The following MTUS1 variants were observed in gnomAD, a reference collection of about 807,000 sequenced individuals.
MTUS1 encodes the protein microtubule associated scaffold protein 1.
Under a neutral mutation model 120.8 loss-of-function variants are expected in MTUS1, and 109 were observed. The observed-to-expected ratio is 0.90, with a 90% CI of 0.77 to 1.06. The LOEUF is 1.06. Among genes scored for constraint, MTUS1 ranks in the 50% least tolerant of loss-of-function variants. MTUS1 has a pLI of 0.00. For missense variants in MTUS1, 2,210 were observed against 1,486.3 expected (o/e 1.49, Z -8.01); for synonymous variants, 737 against 550.5 (o/e 1.34, Z -4.74).
chr8:17,765,308 G>A (rs2049390623), intron 1 of MTUS1, among the ~76,000 whole-genome samples: 1 of 152,090 alleles, frequency 6.6e-6, no homozygotes, highest in South Asian at 2.1e-4. Flanking sequence ...CCCAGGAATT[G>A]GGGAACCTTG....
chr8:17,763,707 G>T (rs1302733319), intron 1 of MTUS1, among the ~76,000 whole-genome samples: 3 of 152,172 alleles, frequency 2.0e-5, no homozygotes, highest in African/African-American at 7.2e-5. Flanking sequence ...CAGGCAAAGG[G>T]AAACACAAGT....
At chr8:17,764,662 T>C (rs999146076) in intron 1 of MTUS1, among the ~76,000 whole-genome samples, 4 of 152,258 alleles carry the variant, frequency 2.6e-5, no homozygotes, top group Non-Finnish European at 5.9e-5. Context: ...CTGCATTTAT[T>C]CAAGTCTGCT....
intron 4 of MTUS1, chr8:17,721,628 G>A: frequency 2.1e-6 from 3 of 1,428,116 alleles, no homozygotes; most frequent in Non-Finnish European, 9.3e-7. Context: ...TACAAAAACA[G>A]AAGTCAAGAG....
rs955243987 is a variant in MTUS1, at chr8:17,681,273, T to C, written c.2838+3055A>G. 5.3e-5 allele frequency among the ~76,000 whole-genome samples: 8 copies of C among 152,266 alleles called. No homozygotes were observed. The Middle Eastern group carries it at 0.01, about 194-fold the overall frequency. ...TTCAGTTGTTTGTGTACTGAATCTA[T>C]GTAAATTAAATGCAAGTGGTGATGT... is the stretch of plus-strand genomic sequence containing the variant. On this transcript the variant is annotated intron_variant, in intron 7 of 14. Coordinates refer to ENST00000693296, the MANE Select transcript of MTUS1 (RefSeq NM_001363059.2).
intron 3 of MTUS1, among the ~76,000 whole-genome samples, chr8:17,731,275 T>C (rs1301704901): frequency 6.6e-6 from 1 of 152,180 alleles, no homozygotes; most frequent in African/African-American, 2.4e-5. Flanking sequence ...TCGTCTAGGT[T>C]CAAACCCGGC....
chr8:17,676,520 G>A (rs946689147), intron 7 of MTUS1: 2 of 586,018 alleles, frequency 3.4e-6, no homozygotes, highest in Admixed American at 3.0e-5. Context: ...CACAGAAGCT[G>A]ATACTGCAGC....
At chr8:17,713,816 T>C (rs999050799) in intron 5 of MTUS1, among the ~76,000 whole-genome samples, 1 of 152,174 alleles carries the variant, frequency 6.6e-6, no homozygotes, top group Non-Finnish European at 1.5e-5. Flanking sequence ...GACATAATCA[T>C]CTGCAGATAC....
intron 1 of MTUS1, among the ~76,000 whole-genome samples, chr8:17,766,347 A>C (rs180677024): frequency 6.6e-6 from 1 of 152,316 alleles, no homozygotes; most frequent in Non-Finnish European, 1.5e-5. Flanking sequence ...AAAATGTTTA[A>C]TTCCCACTCA....
intron 1 of MTUS1, among the ~76,000 whole-genome samples, chr8:17,779,363 A>G (rs1000940127): frequency 2.0e-5 from 3 of 152,222 alleles, no homozygotes; most frequent in African/African-American, 7.2e-5. Flanking sequence ...ACCATCAAGG[A>G]GTACGTTCCT....
intron 13 of MTUS1, among the ~76,000 whole-genome samples, chr8:17,649,186 A>G (rs886718656): frequency 1.3e-5 from 2 of 151,884 alleles, no homozygotes; most frequent in Admixed American, 1.3e-4. Context: ...CCTTCCCAGT[A>G]CTTGGGATTA....
At chr8:17,756,056 T>G (rs868666328) in intron 1 of MTUS1, 95 bp from the exon 2 acceptor site, 68 of 644,298 alleles carry the variant, frequency 1.1e-4, no homozygotes, top group African/African-American at 9.6e-4. Context: ...TTCAATCACT[T>G]TATGTTCACA....
intron 1 of MTUS1, among the ~76,000 whole-genome samples, chr8:17,797,178 G>C (rs1408298234): frequency 2.6e-5 from 4 of 151,972 alleles, no homozygotes; most frequent in African/African-American, 9.7e-5. Flanking sequence ...CTGGGAGGCT[G>C]AAGTGGGAGG....
At chr8:17,745,385 T>TAGA (rs1246858654) in intron 2 of MTUS1, among the ~76,000 whole-genome samples, 1 of 152,234 alleles carries the variant, frequency 6.6e-6, no homozygotes, top group African/African-American at 2.4e-5. Flanking sequence ...CTATTACTTG[T>TAGA]TTCAGGTGGA....
chr8:17,748,972 T>C (rs1000806266), intron 2 of MTUS1, among the ~76,000 whole-genome samples: 3 of 152,290 alleles, frequency 2.0e-5, no homozygotes, highest in Middle Eastern at 3.4e-3. Context: ...CAATTTGCAA[T>C]TCTCCCTTTA....
intron 6 of MTUS1, among the ~76,000 whole-genome samples, chr8:17,710,457 G>A (rs1344941517): frequency 2.0e-5 from 3 of 152,176 alleles, no homozygotes; most frequent in Non-Finnish European, 4.4e-5. Flanking sequence ...CTCCTCATCT[G>A]CTCAAATTTT....
At chr8:17,687,801 T>C (rs1255137183) in intron 6 of MTUS1, among the ~76,000 whole-genome samples, 1 of 152,202 alleles carries the variant, frequency 6.6e-6, no homozygotes, top group Non-Finnish European at 1.5e-5. Context: ...TCTTTGTTCT[T>C]TCTATTCAGA....
chr8:17,697,666 A>C, intron 6 of MTUS1: 1 of 1,141,140 alleles, frequency 8.8e-7, no homozygotes, highest in Non-Finnish European at 1.1e-6. Flanking sequence ...ACCACATCAC[A>C]CTGTGCATGC....
At chr8:17,707,819 C>T (rs532629999) in intron 6 of MTUS1, among the ~76,000 whole-genome samples, 2 of 152,172 alleles carry the variant, frequency 1.3e-5, no homozygotes, top group Non-Finnish European at 2.9e-5. Flanking sequence ...GAAATAAACC[C>T]TCACATTCTT....
Position 17,645,812 on chromosome 8 carries a change from T to C in MTUS1, c.*114A>G. 7.1e-7 allele frequency: 1 copy of C among 1,399,730 alleles called. No homozygotes were observed. The highest frequency in any genetic ancestry group is 1.5e-5 in the South Asian group (1 of 65,248). The allele number at this position is 1,399,730 out of a possible 1,614,324, so 86.7% of individuals were successfully genotyped here. A position where few individuals can be genotyped will look rare whatever the true frequency, so the allele number is the denominator to read the frequency against. On this transcript the variant is annotated 3_prime_UTR_variant, in exon 15 of 15. Transcript: ENST00000693296. ...GCCGGTGGTGACGCTCCAGTTACCC[T>C]ACGGTGATCACACGTGTGCTGATAT...
Sources: allele counts gnomAD v4.1 joint callset (sites outside exome capture counted in the v4.1 genomes callset), GRCh38; gene constraint gnomAD v4.1.1; transcripts MANE v1.5; gene names NCBI Gene and HGNC (gene_info 2026-07-23, HGNC 2026-07-21).